RPAP3: variants seen among roughly 807,000 people sequenced by gnomAD.
RPAP3 encodes RNA polymerase II associated protein 3, also known as RNA polymerase II-associated protein 3.
RPAP3 carries 58 observed loss-of-function variants against 88.8 expected under a neutral mutation model. The ratio of observed to expected loss-of-function variants is 0.65; its 90% CI spans 0.53 to 0.81. The LOEUF is 0.81. Among genes scored for constraint, RPAP3 ranks in the 40% least tolerant of loss-of-function variants. The pLI is 0.00. For missense variants in RPAP3, 751 were observed against 764.3 expected (o/e 0.98, Z 0.20); for synonymous variants, 255 against 259.9 (o/e 0.98, Z 0.18).
rs553402463 is a variant in RPAP3, at chr12:47,692,918, C to T, written c.546-2279G>A. On this transcript the variant is annotated intron_variant, in intron 5 of 16. Transcript: ENST00000005386. The stretch of plus-strand genomic sequence containing the variant: ...GCTTTGAGACAGAGCGTCACTCTCT[C>T]GCCCCGGCTGGAGTGCAGCGGCATG... 1.4e-4 allele frequency among the ~76,000 whole-genome samples: 22 copies of T among 152,282 alleles called. No individual in the cohort carries two copies. The South Asian group carries it at 3.9e-3, about 27-fold the overall frequency.
chr12:47,674,711 GAAAC>G (rs55697088), intron 12 of RPAP3, among the ~76,000 whole-genome samples: 43,037 of 151,702 alleles, frequency 0.28, 6,895 homozygotes, highest in Non-Finnish European at 0.37. Flanking sequence ...AAGAGTAAAA[GAAAC>G]AAACAAAGCC....
At position 47,668,956 on chromosome 12, in the gene RPAP3, T is replaced by C. The variant is rs1481012056; in HGVS notation, c.1673A>G (p.Gln558Arg). ...CAACATATCTGGAGAACTTTTCAAT[T>C]GTCTGAAATCAGATTCGAGCTGGAA... ...NSFQLESDFR[Q>R]LKSSPDMLYQ... The change falls in exon 14 of 17, where the codon CAA becomes CGA. Residue 558 changes from glutamine (Q) to arginine (R), a missense_variant. Physicochemically the swap from Gln to Arg is conservative, Grantham distance 43. Coordinates refer to ENST00000005386, the MANE Select transcript of RPAP3 (RefSeq NM_024604.3). The C allele has an allele frequency of 1.9e-6, 3 of 1,614,044 alleles. No individual in the cohort carries two copies. The highest frequency in any genetic ancestry group is 2.5e-6 in the Non-Finnish European group (3 of 1,179,924).
chr12:47,680,868 G>C (rs1347705567), intron 10 of RPAP3, among the ~76,000 whole-genome samples: 1 of 145,944 alleles, frequency 6.9e-6, no homozygotes, highest in East Asian at 2.0e-4. Context: ...ATCACTAACA[G>C]AAATTCTTCA....
intron 5 of RPAP3, among the ~76,000 whole-genome samples, chr12:47,694,134 T>C (rs1939478188): frequency 6.6e-6 from 1 of 152,154 alleles, no homozygotes; most frequent in Non-Finnish European, 1.5e-5. Flanking sequence ...CATTCCTGAA[T>C]AATAAAAGGT....
chr12:47,668,354 C>T (rs2136606673), intron 14 of RPAP3, among the ~76,000 whole-genome samples: 1 of 152,260 alleles, frequency 6.6e-6, no homozygotes, highest in Non-Finnish European at 1.5e-5. Context: ...AAGAGATATA[C>T]ACCATCCTAA....
intron 16 of RPAP3, among the ~76,000 whole-genome samples, chr12:47,665,716 C>A (rs1328997746): frequency 6.6e-6 from 1 of 152,048 alleles, no homozygotes; most frequent in Non-Finnish European, 1.5e-5. Flanking sequence ...TCATGGCTCA[C>A]TGCAGCCTCA....
intron 13 of RPAP3, among the ~76,000 whole-genome samples, chr12:47,669,504 A>G (rs1228885958): frequency 6.6e-6 from 1 of 152,200 alleles, no homozygotes; most frequent in Non-Finnish European, 1.5e-5. Flanking sequence ...GTATTGTCCC[A>G]TGATCTATAC....
chr12:47,666,970 T>C lies in RPAP3; in HGVS notation c.1912+10A>G, dbSNP rs750040356. Reference sequence around the variant, plus strand: ...AAAAATAAACATGGGAAAACTTTCATAGAACTTACTCTTTTTCTCTGTTTC... The same window carrying C: ...AAAAATAAACATGGGAAAACTTTCACAGAACTTACTCTTTTTCTCTGTTTC... On this transcript the variant is annotated intron_variant, in intron 16 of 16. Transcript: ENST00000005386. 5 of 1,439,768 alleles carry C rather than the reference T, an allele frequency of 3.5e-6. No homozygotes were observed. Among genetic ancestry groups the C allele is most frequent in the Admixed American group, 2.5e-5 (1 of 39,280 alleles). 89.2% of individuals were successfully genotyped at this position (1,439,768 alleles called of 1,614,324 possible).
At chr12:47,672,163 A>T (rs1939012807) in intron 12 of RPAP3, among the ~76,000 whole-genome samples, 1 of 152,126 alleles carries the variant, frequency 6.6e-6, no homozygotes, top group African/African-American at 2.4e-5. Context: ...ACTTATTACC[A>T]CTCTCAGGGG....
chr12:47,673,348 C>T (rs1291076094), intron 12 of RPAP3, among the ~76,000 whole-genome samples: 1 of 147,080 alleles, frequency 6.8e-6, no homozygotes, highest in Admixed American at 7.0e-5. Context: ...GAGGCTGAGG[C>T]AGGAGAATCA....
At position 47,665,891 on chromosome 12, in the gene RPAP3, G is replaced by A. The variant is rs372619801; in HGVS notation, c.1912+1089C>T. On this transcript the variant is annotated intron_variant, in intron 16 of 16. Transcript: ENST00000005386. Reference sequence around the variant, plus strand: ...GATCCTCCTGCCTTAACCTCCCAAAGTGCTGGGATTACAGGCATGAGCCAC... The same window carrying A: ...GATCCTCCTGCCTTAACCTCCCAAAATGCTGGGATTACAGGCATGAGCCAC... Among the ~76,000 whole-genome samples the A allele has an allele frequency of 2.4e-3, 370 of 152,100 alleles. 16 individuals carry two copies. The South Asian group carries it at 0.072, about 30-fold the overall frequency.
chr12:47,699,989 TTC>T (rs1451814607), intron 3 of RPAP3: 3 of 142,502 alleles, frequency 2.1e-5, no homozygotes, highest in Admixed American at 6.9e-5. Flanking sequence ...GCTGGAAATG[TTC>T]TTTTTTTTTT....
At position 47,661,295 on chromosome 12, in the gene RPAP3, A is replaced by G. The variant is rs553228130; in HGVS notation, c.*2210T>C. ...TTATTAACCACTATGCTATTTTGCA[A>G]TAAGGCAACAATATGACAGCCCCTA... On this transcript the variant is annotated 3_prime_UTR_variant, in exon 17 of 17. Transcript: ENST00000005386. The G allele has an allele frequency of 6.6e-6, 1 of 152,328 alleles. No homozygotes were observed. The highest frequency in any genetic ancestry group is 2.1e-4 in the South Asian group (1 of 4,826). The allele number at this position is 152,328 out of a possible 1,614,324, so 9.4% of individuals were successfully genotyped here.
intron 14 of RPAP3, among the ~76,000 whole-genome samples, chr12:47,668,091 A>C (rs1189785433): frequency 6.6e-6 from 1 of 152,176 alleles, no homozygotes; most frequent in Non-Finnish European, 1.5e-5. Context: ...AGCTACTCGG[A>C]GACTGAGGCA....
At chr12:47,667,577 T>C (rs1305833233) in intron 15 of RPAP3, among the ~76,000 whole-genome samples, 177 bp downstream of exon 15, 1 of 152,146 alleles carries the variant, frequency 6.6e-6, no homozygotes, top group Non-Finnish European at 1.5e-5. Context: ...AGGAAAACTG[T>C]GACTTTATGT....
intron 14 of RPAP3, among the ~76,000 whole-genome samples, chr12:47,668,513 C>T (rs980706054): frequency 1.3e-5 from 2 of 152,126 alleles, no homozygotes; most frequent in Non-Finnish European, 2.9e-5. Context: ...TTGAAAAGGA[C>T]CATGCTAATT....
At chr12:47,704,597 C>T (rs1288110797) in intron 1 of RPAP3, among the ~76,000 whole-genome samples, 3 of 151,264 alleles carry the variant, frequency 2.0e-5, no homozygotes, top group African/African-American at 7.3e-5. Flanking sequence ...AGGCTGGTCT[C>T]GAACTCCTGA....
In RPAP3 at chr12:47,681,696, C is replaced by T; in HGVS notation, c.1114G>A (p.Asp372Asn). ...FLGKLNEAKQ[D>N]FETVLLLEPG... Reference sequence around the variant, plus strand: ...AGTGCCAGCTGTTATAAAGTCTTACCTTGTTTTGCCTCATTTAGCTTTCCC... The same window carrying T: ...AGTGCCAGCTGTTATAAAGTCTTACTTTGTTTTGCCTCATTTAGCTTTCCC... The change falls in exon 10 of 17, where the codon GAT becomes AAT. Residue 372 changes from aspartate to asparagine, a missense_variant and splice_region_variant. Transcript: ENST00000005386. 1 of 1,612,046 alleles carries T rather than the reference C, an allele frequency of 6.2e-7. No individual in the cohort carries two copies. The highest frequency in any genetic ancestry group is 8.5e-7 in the Non-Finnish European group (1 of 1,179,152).
At chr12:47,681,531 C>T (rs1258791260) in intron 10 of RPAP3, among the ~76,000 whole-genome samples, 165 bp downstream of exon 10, 3 of 152,134 alleles carry the variant, frequency 2.0e-5, no homozygotes, top group African/African-American at 7.2e-5. Context: ...TGGTACATTG[C>T]GGAAGCTGCA....
Sources: allele counts gnomAD v4.1 joint callset (sites outside exome capture counted in the v4.1 genomes callset), GRCh38; gene constraint gnomAD v4.1.1; transcripts MANE v1.5; gene names NCBI Gene and HGNC (gene_info 2026-07-23, HGNC 2026-07-21).